The following OSMR variants were observed in gnomAD, a reference collection of about 807,000 sequenced individuals.
OSMR encodes the protein oncostatin M receptor, also known as oncostatin-M-specific receptor subunit beta.
A neutral mutation model predicts 99.9 loss-of-function variants in OSMR; 81 were observed. The observed-to-expected ratio is 0.81, with a 90% CI of 0.68 to 0.97. The LOEUF is 0.97. OSMR is among the 50% of genes least tolerant of loss of function. The probability of loss-of-function intolerance (pLI) is 0.00; values close to 1 mark genes in which losing one functional copy is unlikely to be tolerated. For missense variants in OSMR, 1,099 were observed against 1,153.4 expected (o/e 0.95, Z 0.68); for synonymous variants, 406 against 410.4 (o/e 0.99, Z 0.13).
At chr5:38,883,736 A>C in intron 4 of OSMR, 91 bp from the exon 5 acceptor site, 1 of 1,603,896 alleles carries the variant, frequency 6.2e-7, no homozygotes, top group Admixed American at 1.7e-5. Context: ...AGAAAAAGCT[A>C]AAGTTATCTG....
At chr5:38,857,297 T>A (rs1740929206) in intron 1 of OSMR, among the ~76,000 whole-genome samples, 1 of 152,226 alleles carries the variant, frequency 6.6e-6, no homozygotes, top group African/African-American at 2.4e-5. Flanking sequence ...GTGAACACCT[T>A]GCATTCCTCA....
Position 38,851,012 on chromosome 5 carries a change from G to A in OSMR, c.-14+4625G>A, listed in dbSNP as rs539841655. 1.4e-4 allele frequency among the ~76,000 whole-genome samples: 22 copies of A among 152,158 alleles called. No homozygotes were observed. In the South Asian group the frequency reaches 3.3e-3, roughly 23 times the overall value. ...TTACATTTTCTGTACAGAAAAACAC[G>A]GCATCCTCCCAGGCTGATCCAGTAG... On this transcript the variant is annotated intron_variant, in intron 1 of 17. Coordinates refer to ENST00000274276, the MANE Select transcript of OSMR (RefSeq NM_003999.3).
chr5:38,929,333 C>T (rs931808049), intron 15 of OSMR, among the ~76,000 whole-genome samples: 25 of 151,950 alleles, frequency 1.6e-4, no homozygotes, highest in Admixed American at 5.9e-4. Flanking sequence ...AACTTTTTCT[C>T]GGATTAGGAG....
chr5:38,944,866 CA>C, intron 2 of OSMR: 5 of 1,557,078 alleles, frequency 3.2e-6, no homozygotes, highest in Non-Finnish European at 4.4e-6. Flanking sequence ...ACCAACTAAT[CA>C]GAACAGTTTT....
Position 38,934,170 on chromosome 5 carries a change from A to G in OSMR, c.*726A>G, listed in dbSNP as rs1461191376. The G allele has an allele frequency of 6.6e-6, 1 of 152,654 alleles. No homozygotes were observed. The highest frequency in any genetic ancestry group is 1.5e-5 in the Non-Finnish European group (1 of 68,044). The allele number at this position is 152,654 out of a possible 1,614,324, so 9.5% of individuals were successfully genotyped here. On this transcript the variant is annotated 3_prime_UTR_variant, in exon 18 of 18. Transcript: ENST00000274276. ...TGTCAGTTGTACTTCTGCTCCATAG[A>G]CATCAGTATTCTGCCATCATTTTTG...
At chr5:38,852,787 G>A (rs1228052586) in intron 1 of OSMR, among the ~76,000 whole-genome samples, 3 of 125,494 alleles carry the variant, frequency 2.4e-5, no homozygotes, top group Non-Finnish European at 4.7e-5. Flanking sequence ...CTGGACTGCA[G>A]TGGCGCTATC....
chr5:38,942,564 C>T (rs1309094698), intron 1 of OSMR, among the ~76,000 whole-genome samples: 1 of 150,886 alleles, frequency 6.6e-6, no homozygotes, highest in Non-Finnish European at 1.5e-5. Flanking sequence ...GATCCTCCCA[C>T]CTCAGCCTCC....
intron 8 of OSMR, 22 bp downstream of exon 8, chr5:38,904,046 C>T: frequency 3.7e-6 from 6 of 1,612,450 alleles, no homozygotes; most frequent in Non-Finnish European, 4.2e-6. Flanking sequence ...GCTTAATTTT[C>T]TATTTTCAAA....
chr5:38,932,783 C>G, intron 17 of OSMR, 89 bp from the exon 18 acceptor site: 1 of 1,581,632 alleles, frequency 6.3e-7, no homozygotes, highest in African/African-American at 1.4e-5. Context: ...CATTGAAGCT[C>G]TAAGTGTATT....
At chr5:38,942,302 G>A (rs1579847174) in intron 1 of OSMR, 4 of 1,568,566 alleles carry the variant, frequency 2.6e-6, no homozygotes, top group Non-Finnish European at 3.5e-6. Flanking sequence ...ATAAATATGA[G>A]GTCAGGATTC....
rs1023505620 is a variant in OSMR, at chr5:38,921,726, A to G, written c.1697A>G (p.Gln566Arg). The G allele has an allele frequency of 1.2e-6, 2 of 1,614,068 alleles. No homozygotes were observed. Among genetic ancestry groups the G allele is most frequent in the African/African-American group, 2.7e-5 (2 of 74,924 alleles). ...GTTGTGGACTGGTGTGACCATACCCAGGATGTGCTCGGTGATTTCCAGTGG... is the reference window on the plus strand; with the variant it reads ...GTTGTGGACTGGTGTGACCATACCCGGGATGTGCTCGGTGATTTCCAGTGG... ...GYVVDWCDHT[Q>R]DVLGDFQWKN... Residue 566 changes from glutamine to arginine, a missense_variant, in exon 12 of 18, where the codon CAG becomes CGG. Transcript: ENST00000274276.
chr5:38,881,336 C>T lies in OSMR; in HGVS notation c.247-257C>T, dbSNP rs80052994. 3,745 of 238,400 alleles carry T rather than the reference C, an allele frequency of 0.016. 50 individuals carry two copies. The highest frequency in any genetic ancestry group is 0.021 in the Non-Finnish European group (3,037 of 146,744). The allele number at this position is 238,400 out of a possible 1,614,324, so 14.8% of individuals were successfully genotyped here. ...CCTGAGTAGCTTCTGTTTTCTCTCC[C>T]GCTTATTCCACATGAGTCCCCGGGA... On this transcript the variant is annotated intron_variant, in intron 3 of 17. Coordinates refer to ENST00000274276, the MANE Select transcript of OSMR (RefSeq NM_003999.3).
At chr5:38,861,567 C>T (rs982088398) in intron 1 of OSMR, among the ~76,000 whole-genome samples, 1 of 152,254 alleles carries the variant, frequency 6.6e-6, no homozygotes, top group African/African-American at 2.4e-5. Context: ...TTTTCCCCAC[C>T]TTTCCCCCCT....
chr5:38,890,598 C>G (rs1412136017), intron 7 of OSMR, among the ~76,000 whole-genome samples: 1 of 142,664 alleles, frequency 7.0e-6, no homozygotes, highest in Non-Finnish European at 1.5e-5. Flanking sequence ...TTTGAAAGCC[C>G]CCTCTTTTTT....
intron 1 of OSMR, among the ~76,000 whole-genome samples, chr5:38,865,652 G>A (rs988167171): frequency 6.6e-6 from 1 of 152,212 alleles, no homozygotes; most frequent in East Asian, 1.9e-4. Context: ...GGCCTACTGT[G>A]TCAGTCCTTG....
At chr5:38,881,197 T>TGG (rs757333768) in intron 3 of OSMR, among the ~76,000 whole-genome samples, 10,067 of 151,620 alleles carry the variant, frequency 0.066, 427 homozygotes, top group Admixed American at 0.13. Flanking sequence ...AAACAATCTT[T>TGG]TTTTTTTTTT....
chr5:38,931,945 T>C lies in OSMR; in HGVS notation c.2275T>C (p.Cys759Arg), dbSNP rs1746771353. The C allele has an allele frequency of 6.2e-7, 1 of 1,613,316 alleles. No homozygotes were observed. The highest frequency in any genetic ancestry group is 2.2e-5 in the East Asian group (1 of 44,854). ...CTGCGTCTTGCTCATCATGGTCATG[T>C]GCTACTTGAAAAGTCAGTGGTAAGT... is the stretch of plus-strand genomic sequence containing the variant. ...VFCVLLIMVM[C>R]YLKSQWIKET... Residue 759 changes from cysteine to arginine, a missense_variant, in exon 16 of 18, where the codon TGC (cysteine) becomes CGC (arginine). Cys to Arg is a radical substitution (Grantham distance 180). Transcript: ENST00000274276.
At chr5:38,912,779 A>G (rs1745667139) in intron 9 of OSMR, among the ~76,000 whole-genome samples, 1 of 152,180 alleles carries the variant, frequency 6.6e-6, no homozygotes, top group Non-Finnish European at 1.5e-5. Flanking sequence ...CTACACACCT[A>G]CAGCCATCTG....
intron 9 of OSMR, among the ~76,000 whole-genome samples, chr5:38,906,164 G>A (rs530316026): frequency 2.5e-3 from 268 of 106,538 alleles, no homozygotes; most frequent in African/African-American, 9.3e-3. Flanking sequence ...TTTGCTTTAC[G>A]TTTTCTGTTT....
Sources: allele counts gnomAD v4.1 joint callset (sites outside exome capture counted in the v4.1 genomes callset), GRCh38; gene constraint gnomAD v4.1.1; transcripts MANE v1.5; gene names NCBI Gene and HGNC (gene_info 2026-07-23, HGNC 2026-07-21).